CDH2: variants seen among roughly 807,000 people sequenced by gnomAD.
CDH2 encodes cadherin 2.
A neutral mutation model predicts 92.0 loss-of-function variants in CDH2; 17 were observed. The observed-to-expected ratio is 0.18, with a 90% CI of 0.13 to 0.28. The LOEUF is 0.28. CDH2 is among the 10% of genes least tolerant of loss of function. The pLI, the probability that CDH2 is intolerant of heterozygous loss-of-function variation, is 1.00. For missense variants in CDH2, 862 were observed against 1,133.1 expected (o/e 0.76, Z 3.44); for synonymous variants, 419 against 415.9 (o/e 1.01, Z -0.09).
intron 1 of CDH2, among the ~76,000 whole-genome samples, chr18:28,166,149 C>CATATATATATATACATAT (rs1555648247): frequency 3.4e-5 from 2 of 59,292 alleles, no homozygotes; most frequent in African/African-American, 1.5e-4. Context: ...CAGACACACT[C>CATATATATATATACATAT]ATATATATAT....
At chr18:28,137,374 T>G (rs372924121) in intron 2 of CDH2, among the ~76,000 whole-genome samples, 3 of 152,088 alleles carry the variant, frequency 2.0e-5, no homozygotes, top group African/African-American at 7.2e-5. Flanking sequence ...TATTTTTTAA[T>G]GACAGGAAAG....
chr18:27,942,801 T>G (rs1909174610), intron 6 of CDH2, among the ~76,000 whole-genome samples: 1 of 152,152 alleles, frequency 6.6e-6, no homozygotes, highest in Non-Finnish European at 1.5e-5. Context: ...TAGGTAGGTC[T>G]TGTTTTGTGT....
intron 1 of CDH2, among the ~76,000 whole-genome samples, chr18:28,173,163 G>A (rs961981535): frequency 6.6e-6 from 1 of 152,058 alleles, no homozygotes; most frequent in Admixed American, 6.5e-5. Context: ...ACTTTTAGAA[G>A]GTTAGGGCAG....
intron 2 of CDH2, among the ~76,000 whole-genome samples, chr18:28,036,233 T>C (rs1253397469): frequency 6.6e-6 from 1 of 152,124 alleles, no homozygotes; most frequent in African/African-American, 2.4e-5. Context: ...GAAATACAGC[T>C]TTTGTAACAT....
At chr18:27,987,937 T>C (rs1365032845) in intron 11 of CDH2, among the ~76,000 whole-genome samples, 1 of 152,040 alleles carries the variant, frequency 6.6e-6, no homozygotes, top group Non-Finnish European at 1.5e-5. Context: ...AAGCCCCTCA[T>C]CAGGTTTACA....
At chr18:28,088,392 A>C (rs2014975860) in intron 2 of CDH2, among the ~76,000 whole-genome samples, 1 of 152,232 alleles carries the variant, frequency 6.6e-6, no homozygotes, top group Non-Finnish European at 1.5e-5. Context: ...TTTTAATGTT[A>C]ATTTATCAAT....
intron 6 of CDH2, among the ~76,000 whole-genome samples, chr18:27,943,762 C>T (rs528176578): frequency 2.0e-5 from 3 of 152,262 alleles, no homozygotes; most frequent in South Asian, 2.1e-4. Context: ...TTTGGTTCAA[C>T]GCAGTCTCTG....
chr18:28,062,816 T>C (rs1325030979), intron 2 of CDH2, among the ~76,000 whole-genome samples: 2 of 151,918 alleles, frequency 1.3e-5, no homozygotes, highest in Non-Finnish European at 2.9e-5. Context: ...CTACCAAAAC[T>C]ACAAAAATTA....
At chr18:28,035,385 C>T (rs2013800408) in intron 2 of CDH2, among the ~76,000 whole-genome samples, 1 of 151,992 alleles carries the variant, frequency 6.6e-6, no homozygotes, top group African/African-American at 2.4e-5. Context: ...TTAAAACAAG[C>T]AACTTTGCTG....
intron 2 of CDH2, chr18:28,036,456 G>A: frequency 1.6e-6 from 2 of 1,270,198 alleles, no homozygotes; most frequent in Non-Finnish European, 1.1e-6. Flanking sequence ...AATGAATAAG[G>A]CAATTTTTGT....
At chr18:27,981,267 G>A (rs548795228) in intron 14 of CDH2, among the ~76,000 whole-genome samples, 2 of 152,308 alleles carry the variant, frequency 1.3e-5, no homozygotes, top group South Asian at 4.1e-4. Context: ...CGATTTATGA[G>A]AGAATGTGAT....
At chr18:27,936,628 C>G (rs982077457) in intron 6 of CDH2, among the ~76,000 whole-genome samples, 1 of 152,144 alleles carries the variant, frequency 6.6e-6, no homozygotes, top group Admixed American at 6.5e-5. Flanking sequence ...GTCCCAGGCT[C>G]AAGCCACTGT....
intron 2 of CDH2, among the ~76,000 whole-genome samples, chr18:28,112,661 C>G (rs2015432028): frequency 6.6e-6 from 1 of 152,080 alleles, no homozygotes; most frequent in Non-Finnish European, 1.5e-5. Context: ...TTATAAATAT[C>G]TTCTAATTAG....
intron 2 of CDH2, among the ~76,000 whole-genome samples, chr18:28,096,298 T>C (rs1198470796): frequency 6.6e-6 from 1 of 152,106 alleles, no homozygotes; most frequent in Admixed American, 6.5e-5. Context: ...CAAGTCAAAA[T>C]TCCAATAGTA....
At chr18:28,034,051 T>C (rs2013764407) in intron 2 of CDH2, among the ~76,000 whole-genome samples, 1 of 152,034 alleles carries the variant, frequency 6.6e-6, no homozygotes, top group African/African-American at 2.4e-5. Flanking sequence ...TTGATAATCA[T>C]TTTTTTATCA....
intron 2 of CDH2, chr18:28,036,443 T>A: frequency 9.7e-7 from 1 of 1,030,946 alleles, no homozygotes; most frequent in South Asian, 1.3e-5. Context: ...CACCATGTTA[T>A]GGAATGAATA....
chr18:28,004,141 C>T (rs1427432080), intron 6 of CDH2, among the ~76,000 whole-genome samples: 2 of 152,108 alleles, frequency 1.3e-5, no homozygotes, highest in Admixed American at 1.3e-4. Flanking sequence ...TCCCTACACC[C>T]TTATTTTTTC....
intron 2 of CDH2, among the ~76,000 whole-genome samples, chr18:28,095,892 G>A (rs1218803928): frequency 2.0e-5 from 3 of 150,836 alleles, no homozygotes; most frequent in Non-Finnish European, 3.0e-5. Context: ...ATACATACAA[G>A]GTACAATAGC....
intron 2 of CDH2, among the ~76,000 whole-genome samples, chr18:28,096,774 T>G (rs962865774): frequency 6.6e-6 from 1 of 152,236 alleles, no homozygotes; most frequent in East Asian, 1.9e-4. Flanking sequence ...GTTATGAGGA[T>G]ATGTAAAAAA....
Sources: allele counts gnomAD v4.1 joint callset (sites outside exome capture counted in the v4.1 genomes callset), GRCh38; gene constraint gnomAD v4.1.1; transcripts MANE v1.5; gene names NCBI Gene and HGNC (gene_info 2026-07-23, HGNC 2026-07-21).